RALGPS1: variants seen among roughly 807,000 people sequenced by gnomAD.
RALGPS1 encodes ras-specific guanine nucleotide-releasing factor RalGPS1.
RALGPS1 carries 19 observed loss-of-function variants against 78.8 expected under a neutral mutation model. That is an observed-to-expected ratio of 0.24 (90% CI 0.17 to 0.35). The LOEUF is 0.35. RALGPS1 is among the 10% of genes least tolerant of loss of function. RALGPS1 has a pLI of 1.00. For missense variants in RALGPS1, 454 were observed against 688.3 expected (o/e 0.66, Z 3.81); for synonymous variants, 228 against 256.3 (o/e 0.89, Z 1.06).
intron 8 of RALGPS1, among the ~76,000 whole-genome samples, chr9:127,137,244 A>G (rs1016113282): frequency 3.3e-5 from 5 of 152,188 alleles, no homozygotes; most frequent in Admixed American, 2.0e-4. Context: ...CACCCGGGCC[A>G]CAGTGTATCC....
chr9:126,941,056 G>T (rs1439441065), intron 1 of RALGPS1, among the ~76,000 whole-genome samples: 2 of 152,080 alleles, frequency 1.3e-5, no homozygotes, highest in African/African-American at 4.8e-5. Context: ...ACTTCTATAT[G>T]TGTGTTCACA....
intron 8 of RALGPS1, among the ~76,000 whole-genome samples, chr9:127,070,853 TTC>T (rs1204954284): frequency 1.3e-5 from 2 of 151,884 alleles, no homozygotes; most frequent in African/African-American, 4.8e-5. Context: ...TATTTAGATT[TTC>T]TTTCTTTTAA....
chr9:126,937,361 A>C (rs1011306014), intron 1 of RALGPS1, among the ~76,000 whole-genome samples: 2 of 152,220 alleles, frequency 1.3e-5, no homozygotes, highest in Non-Finnish European at 2.9e-5. Flanking sequence ...GTGCACTTAA[A>C]CATAGGGCAC....
chr9:126,941,213 T>C (rs1399271111), intron 1 of RALGPS1, among the ~76,000 whole-genome samples: 1 of 150,900 alleles, frequency 6.6e-6, no homozygotes, highest in Non-Finnish European at 1.5e-5. Context: ...GATTCAAAGA[T>C]AGGAAGAAGA....
chr9:127,185,135 T>C (rs1188623135), intron 11 of RALGPS1, among the ~76,000 whole-genome samples: 1 of 151,686 alleles, frequency 6.6e-6, no homozygotes, highest in East Asian at 1.9e-4. Flanking sequence ...TCACCCCAAG[T>C]CCCCCTCCCT....
chr9:127,150,000 A>G (rs1465613725), intron 8 of RALGPS1, among the ~76,000 whole-genome samples: 1 of 152,210 alleles, frequency 6.6e-6, no homozygotes, highest in Non-Finnish European at 1.5e-5. Context: ...GGCTGAAGCC[A>G]TGCCATGGAT....
At chr9:127,035,440 C>G (rs185753680) in intron 5 of RALGPS1, among the ~76,000 whole-genome samples, 1 of 152,160 alleles carries the variant, frequency 6.6e-6, no homozygotes, top group South Asian at 2.1e-4. Flanking sequence ...GCATGCAAAC[C>G]CCCAAATTGT....
chr9:127,196,420 C>G (rs1564772088), intron 12 of RALGPS1, 54 bp from the exon 13 acceptor site: 3 of 1,563,872 alleles, frequency 1.9e-6, no homozygotes, highest in Non-Finnish European at 2.6e-6. Context: ...GGTGTAACCA[C>G]TGTCACTCCA....
chr9:126,980,140 CT>C (rs952762279), intron 4 of RALGPS1, among the ~76,000 whole-genome samples: 5 of 152,276 alleles, frequency 3.3e-5, no homozygotes, highest in Non-Finnish European at 7.4e-5. Flanking sequence ...GCTGCCCCAG[CT>C]TTTTTGCTGA....
chr9:127,028,031 C>T (rs566139134), intron 4 of RALGPS1, among the ~76,000 whole-genome samples: 2 of 152,354 alleles, frequency 1.3e-5, no homozygotes, highest in Non-Finnish European at 2.9e-5. Context: ...GTCTCTGCCC[C>T]TGGAGGAGCT....
chr9:127,026,230 G>C (rs759773012), intron 4 of RALGPS1, among the ~76,000 whole-genome samples: 11 of 152,188 alleles, frequency 7.2e-5, no homozygotes, highest in Non-Finnish European at 1.5e-4. Flanking sequence ...AAAGATGTAG[G>C]CTGGAGGGCT....
chr9:126,949,313 T>C (rs1276940300), intron 1 of RALGPS1, among the ~76,000 whole-genome samples: 1 of 152,206 alleles, frequency 6.6e-6, no homozygotes, highest in Non-Finnish European at 1.5e-5. Flanking sequence ...TTTATAGTCC[T>C]TTGGGTATAT....
At position 127,212,974 on chromosome 9, in the gene RALGPS1, A is replaced by G. The variant is rs2062363792; in HGVS notation, c.1477A>G (p.Ile493Val). The change falls in exon 17 of 19, where the codon ATC becomes GTC. Residue 493 changes from isoleucine to valine, a missense_variant. Ile to Val is a conservative substitution (Grantham distance 29, BLOSUM62 3). Transcript: ENST00000259351. The surrounding 1 kb of genome is among the most constrained non-coding windows in gnomAD (Gnocchi z 6.0). ...YKSTPGKKVS[I>V]VGWMVQLPDD... The stretch of plus-strand genomic sequence containing the variant: ...ATCCACACCTGGCAAAAAGGTTTCC[A>G]TCGTGGGCTGGATGGTGCAGCTGCC... The G allele has an allele frequency of 3.1e-6, 5 of 1,614,174 alleles. No individual in the cohort carries two copies. In the Middle Eastern group the frequency reaches 4.9e-4, roughly 160 times the overall value.
chr9:126,950,737 A>C (rs1083349), intron 1 of RALGPS1, among the ~76,000 whole-genome samples: 28,967 of 150,478 alleles, frequency 0.19, 2,938 homozygotes, highest in East Asian at 0.42. Context: ...TTGACACCCT[A>C]ACATCACAAT....
At chr9:127,101,926 A>T (rs886347075) in intron 8 of RALGPS1, among the ~76,000 whole-genome samples, 1 of 152,168 alleles carries the variant, frequency 6.6e-6, no homozygotes, top group African/African-American at 2.4e-5. Context: ...TAAACAAAGG[A>T]TCACATAAAT....
intron 3 of RALGPS1, among the ~76,000 whole-genome samples, chr9:126,973,890 G>A (rs370644526): frequency 6.6e-6 from 1 of 152,056 alleles, no homozygotes; most frequent in South Asian, 2.1e-4. Flanking sequence ...TTTCTGTTTT[G>A]TTTTGAGACA....
intron 9 of RALGPS1, among the ~76,000 whole-genome samples, chr9:127,166,416 G>A (rs1304338037): frequency 3.3e-5 from 5 of 152,200 alleles, no homozygotes; most frequent in African/African-American, 1.2e-4. Context: ...TTACAGGTGA[G>A]GAAATTGAGG....
At chr9:126,948,976 C>G (rs2037545437) in intron 1 of RALGPS1, among the ~76,000 whole-genome samples, 1 of 152,006 alleles carries the variant, frequency 6.6e-6, no homozygotes, top group Non-Finnish European at 1.5e-5. Context: ...CTACCCCCAC[C>G]CCACAACAGT....
intron 8 of RALGPS1, among the ~76,000 whole-genome samples, chr9:127,129,747 G>A (rs990974226): frequency 1.3e-5 from 2 of 152,240 alleles, no homozygotes; most frequent in East Asian, 3.8e-4. Context: ...AGTAAAGGCA[G>A]CCAGTGCAGG....
Sources: gnomAD v4.1 joint callset for allele counts (sites outside exome capture counted in the v4.1 genomes callset) on GRCh38, gnomAD v4.1.1 for gene constraint, Gnocchi (gnomAD v3.1) non-coding constraint, MANE v1.5 for transcripts, NCBI Gene and HGNC (gene_info 2026-07-23, HGNC 2026-07-21) for gene names.